Variants in EFR3B observed in about 807,000 individuals in gnomAD.
EFR3B encodes the protein EFR3 homolog B.
In EFR3B, 64 loss-of-function variants were observed where a neutral mutation model predicts 104.7. The observed-to-expected ratio is 0.61, with a 90% CI of 0.50 to 0.75. EFR3B has a LOEUF of 0.75. Among genes scored for constraint, EFR3B ranks in the 30% least tolerant of loss-of-function variants. EFR3B has a pLI of 0.00. For missense variants in EFR3B, 750 were observed against 1,078.5 expected (o/e 0.70, Z 4.27); for synonymous variants, 385 against 417.9 (o/e 0.92, Z 0.96).
At chr2:25,134,843 T>A (rs1404478031) in intron 12 of EFR3B, among the ~76,000 whole-genome samples, 1 of 152,224 alleles carries the variant, frequency 6.6e-6, no homozygotes, top group Non-Finnish European at 1.5e-5. Context: ...TTCTGAATCA[T>A]CAAAAGCATT....
At position 25,132,689 on chromosome 2, in the gene EFR3B, G is replaced by GA. The variant is rs1300672478; in HGVS notation, c.1148-208dup. On this transcript the variant is annotated intron_variant, in intron 10 of 22. Transcript: ENST00000403714. ...CTTAACCACAGCCTCAGGAACAAGT[G>GA]AAAAAACGGAGCCTGGAAGAGACCT... 2.0e-5 allele frequency among the ~76,000 whole-genome samples: 3 copies of GA among 151,778 alleles called. No homozygotes were observed. In the East Asian group the frequency reaches 5.9e-4, roughly 30 times the overall value.
intron 4 of EFR3B, among the ~76,000 whole-genome samples, chr2:25,116,595 G>C (rs892242841): frequency 2.6e-5 from 4 of 152,024 alleles, no homozygotes; most frequent in Non-Finnish European, 5.9e-5. Context: ...CTGCACTCCA[G>C]CTTGGGCAGC....
intron 4 of EFR3B, chr2:25,116,088 T>C (rs910513421): frequency 6.6e-6 from 1 of 152,224 alleles, no homozygotes; most frequent in African/African-American, 2.4e-5. Flanking sequence ...AAGAATGGCG[T>C]GCTGTTTTTT....
At chr2:25,109,617 CA>C (rs1410140305) in intron 4 of EFR3B, among the ~76,000 whole-genome samples, 2 of 152,094 alleles carry the variant, frequency 1.3e-5, no homozygotes, top group Admixed American at 6.5e-5. Context: ...TAGAAACAAC[CA>C]AAAAGGTCAC....
intron 1 of EFR3B, among the ~76,000 whole-genome samples, chr2:25,078,789 T>C (rs548602893): frequency 6.6e-6 from 1 of 152,294 alleles, no homozygotes; most frequent in Non-Finnish European, 1.5e-5. Flanking sequence ...GTGCCTGTGG[T>C]CGGAGAGTGT....
At chr2:25,044,962 T>C (rs912601797) in intron 1 of EFR3B, among the ~76,000 whole-genome samples, 2 of 152,196 alleles carry the variant, frequency 1.3e-5, no homozygotes, top group Non-Finnish European at 2.9e-5. Flanking sequence ...CAGGAGCCCT[T>C]TCATGGCTGG....
At position 25,153,760 on chromosome 2, in the gene EFR3B, C is replaced by T. The variant is rs372611262; in HGVS notation, c.2347C>T (p.Arg783Trp). The change falls in exon 22 of 23, where the codon CGG (arginine) becomes TGG (tryptophan). Residue 783 changes from arginine to tryptophan, a missense_variant and splice_region_variant. By Grantham distance (101) the Arg-to-Trp change is moderately radical. Transcript: ENST00000403714. ...CAATCAGATCTTTGAAATCACCATCCGGTAAGTGACAACCCTGGGCAGGGG... is the reference window on the plus strand; with the variant it reads ...CAATCAGATCTTTGAAATCACCATCTGGTAAGTGACAACCCTGGGCAGGGG... ...KLNQIFEITIRPPPSPSGTIT... is the reference protein window; with the variant it reads ...KLNQIFEITIWPPPSPSGTIT... 8.4e-5 allele frequency: 130 copies of T among 1,551,702 alleles called. No individual in the cohort carries two copies. Among genetic ancestry groups the T allele is most frequent in the Admixed American group, 1.2e-4 (6 of 51,014 alleles).
intron 4 of EFR3B, among the ~76,000 whole-genome samples, chr2:25,115,219 C>G (rs1052386332): frequency 1.1e-4 from 16 of 152,114 alleles, no homozygotes; most frequent in African/African-American, 2.4e-4. Flanking sequence ...GATACCTAAG[C>G]CCAACCCCTA....
rs568078904 is a variant in EFR3B at position 25,073,696 on chromosome 2, T to C, written c.8-17629T>C. 5.3e-5 allele frequency among the ~76,000 whole-genome samples: 8 copies of C among 152,250 alleles called. No homozygotes were observed. In the East Asian group the frequency reaches 1.5e-3, roughly 29 times the overall value. Reference sequence around the variant, plus strand: ...TGCCTGCTGTACACTGAGATCTGGGTGCCAGGTGCCTGCAAGGAGCTCCCA... The same window carrying C: ...TGCCTGCTGTACACTGAGATCTGGGCGCCAGGTGCCTGCAAGGAGCTCCCA... On this transcript the variant is annotated intron_variant, in intron 1 of 22. Coordinates refer to ENST00000403714, the MANE Select transcript of EFR3B (RefSeq NM_014971.2).
At chr2:25,143,618 C>A (rs954975449) in intron 17 of EFR3B, 117 bp from the exon 18 acceptor site, 2 of 1,306,548 alleles carry the variant, frequency 1.5e-6, no homozygotes, top group Admixed American at 2.2e-5. Context: ...CGAGATCGCA[C>A]CACCACACTC....
intron 3 of EFR3B, among the ~76,000 whole-genome samples, chr2:25,097,256 C>T (rs1239569373): frequency 2.0e-5 from 3 of 152,226 alleles, no homozygotes; most frequent in Non-Finnish European, 2.9e-5. Flanking sequence ...GAAGGCCTCA[C>T]TGAGGGCTTT....
Position 25,066,440 on chromosome 2 carries a change from T to A in EFR3B, c.7+24121T>A, listed in dbSNP as rs1668340336. On this transcript the variant is annotated intron_variant, in intron 1 of 22. Coordinates refer to ENST00000403714, the MANE Select transcript of EFR3B (RefSeq NM_014971.2). The stretch of plus-strand genomic sequence containing the variant: ...GCTTTACCAGTGCTACTCCAGACAG[T>A]CTGGCCAGCTGATGTCTCTCAGAAC... Among the ~76,000 whole-genome samples the A allele has an allele frequency of 2.0e-5, 3 of 152,192 alleles. No homozygotes were observed. In the South Asian group the frequency reaches 6.2e-4, roughly 31 times the overall value.
chr2:25,108,663 AG>A (rs1669632348), intron 4 of EFR3B, among the ~76,000 whole-genome samples: 1 of 152,210 alleles, frequency 6.6e-6, no homozygotes, highest in East Asian at 1.9e-4. Context: ...CAAAAGCAAA[AG>A]CAATTATAGA....
intron 4 of EFR3B, among the ~76,000 whole-genome samples, chr2:25,113,818 G>A (rs1454028497): frequency 1.3e-5 from 2 of 152,186 alleles, no homozygotes; most frequent in East Asian, 3.9e-4. Flanking sequence ...ACTGTGACAG[G>A]TGAGGCAGGT....
At chr2:25,132,046 AC>A (rs1363437525) in intron 10 of EFR3B, 135 bp downstream of exon 10, 1 of 507,850 alleles carries the variant, frequency 2.0e-6, no homozygotes, top group Non-Finnish European at 2.3e-6. Context: ...GGAAAGAGGG[AC>A]CCTGGAAAGG....
intron 17 of EFR3B, among the ~76,000 whole-genome samples, chr2:25,142,076 A>C (rs1209058319): frequency 6.6e-6 from 1 of 152,156 alleles, no homozygotes; most frequent in Non-Finnish European, 1.5e-5. Context: ...GAGCAGGAGG[A>C]TCTCTTGAGC....
chr2:25,065,079 C>T (rs928971008), intron 1 of EFR3B, among the ~76,000 whole-genome samples: 7 of 151,270 alleles, frequency 4.6e-5, no homozygotes, highest in East Asian at 1.9e-4. Flanking sequence ...TCCCACCTGG[C>T]GGGGGGGGCG....
intron 16 of EFR3B, among the ~76,000 whole-genome samples, chr2:25,139,660 C>T (rs562773575): frequency 6.6e-5 from 10 of 152,212 alleles, no homozygotes; most frequent in Admixed American, 5.2e-4. Flanking sequence ...CATCTGTTCA[C>T]GCCCACTCAT....
chr2:25,083,195 G>A (rs965242413), intron 1 of EFR3B, among the ~76,000 whole-genome samples: 1 of 152,196 alleles, frequency 6.6e-6, no homozygotes, highest in African/African-American at 2.4e-5. Flanking sequence ...CCTAGTGACA[G>A]AAGAGGATCC....
Sources: gnomAD v4.1 joint callset for allele counts (sites outside exome capture counted in the v4.1 genomes callset) on GRCh38, gnomAD v4.1.1 for gene constraint, MANE v1.5 for transcripts, NCBI Gene and HGNC (gene_info 2026-07-23, HGNC 2026-07-21) for gene names.